The following MTSS1 variants were observed in gnomAD, a reference collection of about 807,000 sequenced individuals.
The protein encoded by MTSS1 is protein MTSS 1.
Under a neutral mutation model 79.0 loss-of-function variants are expected in MTSS1, and 18 were observed. That is an observed-to-expected ratio of 0.23 (90% confidence interval 0.16 to 0.34). The LOEUF (loss-of-function observed/expected upper bound fraction) is 0.34, where lower values mean the gene tolerates loss of function less well. MTSS1 is among the 10% of genes least tolerant of loss of function. The pLI is 1.00. For missense variants in MTSS1, 815 were observed against 986.2 expected, an observed-to-expected ratio of 0.83 and a Z score of 2.33; for synonymous variants, 341 against 368.6, an observed-to-expected ratio of 0.93 and a Z score of 0.86.
intron 3 of MTSS1, among the ~76,000 whole-genome samples, chr8:124,670,742 T>C (rs528883084): frequency 8.1e-4 from 124 of 152,306 alleles, no homozygotes; most frequent in African/African-American, 2.9e-3. Flanking sequence ...AAAGAGCTCC[T>C]GGCTCTTAAT....
chr8:124,589,591 G>A (rs749108297), intron 5 of MTSS1, 29 bp downstream of exon 5: 1 of 1,580,152 alleles, frequency 6.3e-7, no homozygotes, highest in Admixed American at 1.8e-5. Context: ...CCAGCGTGCA[G>A]TGATGCGCTA....
rs1373515613 is a variant in MTSS1 at position 124,727,958 on chromosome 8, TC to T, written c.-4del. On this transcript the variant is annotated 5_prime_UTR_variant, in exon 1 of 14. Coordinates refer to ENST00000518547, the MANE Select transcript of MTSS1 (RefSeq NM_014751.6). The surrounding 1 kb of genome is among the most constrained non-coding windows in gnomAD (Gnocchi z 4.7). ...TCCTTCTCAATCACAGCCTCCATTT[TC>T]CCGGCTCCGGCAGGGCGAGGGCACA... The T allele has an allele frequency of 6.2e-7, 1 of 1,609,130 alleles. No homozygotes were observed.
Position 124,673,885 on chromosome 8 carries a change from T to A in MTSS1, c.208+25641A>T, listed in dbSNP as rs1267804830. 2.0e-5 allele frequency among the ~76,000 whole-genome samples: 3 copies of A among 151,962 alleles called. No homozygotes were observed. The East Asian group carries it at 5.8e-4, about 29-fold the overall frequency. On this transcript the variant is annotated intron_variant, in intron 3 of 13. Transcript: ENST00000518547. ...GAGTTGCTAATAAAGCCATCGAGCCTTTGCAGCTTTGTCAGTGCCACCCAA... is the reference window on the plus strand; with the variant it reads ...GAGTTGCTAATAAAGCCATCGAGCCATTGCAGCTTTGTCAGTGCCACCCAA...
intron 3 of MTSS1, among the ~76,000 whole-genome samples, chr8:124,611,115 C>CA (rs947725502): frequency 6.7e-6 from 1 of 149,292 alleles, no homozygotes; most frequent in Non-Finnish European, 1.5e-5. Flanking sequence ...GACCCCCCCC[C>CA]CCCAGCATGT....
intron 2 of MTSS1, among the ~76,000 whole-genome samples, chr8:124,703,320 C>T (rs1336916128): frequency 6.6e-6 from 1 of 152,160 alleles, no homozygotes; most frequent in Non-Finnish European, 1.5e-5. Flanking sequence ...GAGGTGGACT[C>T]TTGCTCTTGT....
At chr8:124,613,026 G>A (rs1360061907) in intron 3 of MTSS1, among the ~76,000 whole-genome samples, 4 of 152,104 alleles carry the variant, frequency 2.6e-5, no homozygotes, top group Non-Finnish European at 5.9e-5. Context: ...CTAGAAGGAT[G>A]GCCTATTTCC....
At chr8:124,704,345 G>A (rs1830113971) in intron 1 of MTSS1, among the ~76,000 whole-genome samples, 154 bp from the exon 2 acceptor site, 2 of 152,168 alleles carry the variant, frequency 1.3e-5, no homozygotes, top group Admixed American at 1.3e-4. Context: ...CTATATACAT[G>A]TATTGGCTCA....
At chr8:124,575,507 A>G (rs1828787541) in intron 6 of MTSS1, among the ~76,000 whole-genome samples, 1 of 152,226 alleles carries the variant, frequency 6.6e-6, no homozygotes, top group Non-Finnish European at 1.5e-5. Context: ...CCACCACAGC[A>G]TCTCTGAAGT....
chr8:124,697,300 C>T (rs1245449168), intron 3 of MTSS1, among the ~76,000 whole-genome samples: 1 of 151,574 alleles, frequency 6.6e-6, no homozygotes. Context: ...TGGCTCACGC[C>T]TGTAATCCCA....
At chr8:124,711,031 C>T (rs1245890741) in intron 1 of MTSS1, among the ~76,000 whole-genome samples, 5 of 152,178 alleles carry the variant, frequency 3.3e-5, no homozygotes, top group South Asian at 2.1e-4. Context: ...GAAATCAAGC[C>T]GTGGGGTATA....
At chr8:124,657,780 C>G (rs1231014596) in intron 3 of MTSS1, among the ~76,000 whole-genome samples, 1 of 152,196 alleles carries the variant, frequency 6.6e-6, no homozygotes, top group Admixed American at 6.5e-5. Flanking sequence ...CTCACATACC[C>G]ATTATTGGCC....
At chr8:124,717,256 C>T (rs963192679) in intron 1 of MTSS1, among the ~76,000 whole-genome samples, 2 of 152,098 alleles carry the variant, frequency 1.3e-5, no homozygotes, top group Non-Finnish European at 2.9e-5. Context: ...CTTTGGGAGG[C>T]CAAGGCGGGC....
At chr8:124,574,852 T>C (rs1373455514) in intron 6 of MTSS1, among the ~76,000 whole-genome samples, 2 of 152,366 alleles carry the variant, frequency 1.3e-5, no homozygotes, top group Admixed American at 1.3e-4. Flanking sequence ...CACCTGCCCC[T>C]GACTCACACA....
At chr8:124,721,091 G>A (rs148740100) in intron 1 of MTSS1, among the ~76,000 whole-genome samples, 7 of 152,232 alleles carry the variant, frequency 4.6e-5, no homozygotes, top group East Asian at 1.9e-4. Flanking sequence ...GTGTTGCAAC[G>A]CAGGCACACT....
chr8:124,594,392 G>A (rs188480341), intron 3 of MTSS1, among the ~76,000 whole-genome samples: 2 of 152,280 alleles, frequency 1.3e-5, no homozygotes, highest in East Asian at 1.9e-4. Flanking sequence ...TCAGCCAGGT[G>A]TGGTGGCACA....
rs973903658 is a variant in MTSS1, at chr8:124,683,876, C to T, written c.208+15650G>A. On this transcript the variant is annotated intron_variant, in intron 3 of 13. Coordinates refer to ENST00000518547, the MANE Select transcript of MTSS1 (RefSeq NM_014751.6). This position sits in a 1 kb window ranked among gnomAD's most constrained non-coding sequence, Gnocchi z 4.5. ...GCCATAACAAGCCGGTACCCACATGCGGTGGGGGCTCTGACACCACTCCCA... is the reference window on the plus strand; with the variant it reads ...GCCATAACAAGCCGGTACCCACATGTGGTGGGGGCTCTGACACCACTCCCA... 3.3e-5 allele frequency among the ~76,000 whole-genome samples: 5 copies of T among 152,130 alleles called. No individual in the cohort carries two copies. The highest frequency in any genetic ancestry group is 7.4e-5 in the Non-Finnish European group (5 of 68,022).
At chr8:124,672,908 C>T (rs1245357784) in intron 3 of MTSS1, among the ~76,000 whole-genome samples, 1 of 151,818 alleles carries the variant, frequency 6.6e-6, no homozygotes, top group East Asian at 1.9e-4. Context: ...CACACATGCA[C>T]ACATATATAT....
intron 3 of MTSS1, among the ~76,000 whole-genome samples, chr8:124,698,682 T>G (rs1829256546): frequency 6.6e-6 from 1 of 151,948 alleles, no homozygotes; most frequent in African/African-American, 2.4e-5. Context: ...TGGCTAATTT[T>G]TGTATTTTTA....
At chr8:124,690,611 G>A (rs1053088519) in intron 3 of MTSS1, among the ~76,000 whole-genome samples, 39 of 152,208 alleles carry the variant, frequency 2.6e-4, no homozygotes, top group Non-Finnish European at 1.2e-4. Flanking sequence ...GGCAACTGCT[G>A]CTACCCAACC....
Sources: gnomAD v4.1 joint callset for allele counts (sites outside exome capture counted in the v4.1 genomes callset) on GRCh38, gnomAD v4.1.1 for gene constraint, Gnocchi (gnomAD v3.1) non-coding constraint, MANE v1.5 for transcripts, NCBI Gene and HGNC (gene_info 2026-07-23, HGNC 2026-07-21) for gene names.